FBLN5: variants seen among roughly 807,000 people sequenced by gnomAD.
The protein encoded by FBLN5 is fibulin 5, also known as fibulin-5.
A neutral mutation model predicts 61.6 loss-of-function variants in FBLN5; 24 were observed. The ratio of observed to expected loss-of-function variants is 0.39; its 90% CI spans 0.28 to 0.55. The LOEUF (loss-of-function observed/expected upper bound fraction) is 0.55, where lower values mean the gene tolerates loss of function less well. Among genes scored for constraint, FBLN5 ranks in the 20% least tolerant of loss-of-function variants. FBLN5 has a pLI of 0.65. For synonymous variants in FBLN5, 213 were observed against 219.8 expected, an observed-to-expected ratio of 0.97 and a Z score of 0.27; for missense variants, 470 against 594.1, an observed-to-expected ratio of 0.79 and a Z score of 2.17.
In FBLN5 at chr14:91,936,938, G is replaced by A; in HGVS notation, c.379+9C>T. The stretch of plus-strand genomic sequence containing the variant: ...ACAGCGGAGAGGAACAAAAGGCCGG[G>A]CTACTCACCCACACATTGGTTGCTT... On this transcript the variant is annotated intron_variant, in intron 4 of 10. Transcript: ENST00000342058. 6.2e-7 allele frequency: 1 copy of A among 1,614,182 alleles called. No individual in the cohort carries two copies. Among genetic ancestry groups the A allele is most frequent in the Non-Finnish European group, 8.5e-7 (1 of 1,180,032 alleles).
chr14:91,923,515 C>T (rs766908675), intron 4 of FBLN5, among the ~76,000 whole-genome samples: 4 of 152,230 alleles, frequency 2.6e-5, no homozygotes, highest in Non-Finnish European at 5.9e-5. Flanking sequence ...TTCTTGTCTC[C>T]ATGTCTCTGC....
intron 4 of FBLN5, among the ~76,000 whole-genome samples, chr14:91,912,742 C>T (rs188769101): frequency 5.5e-5 from 8 of 145,608 alleles, no homozygotes; most frequent in East Asian, 2.0e-4. Context: ...CCCGGGAAAT[C>T]GAGGCTGCCA....
intron 1 of FBLN5, among the ~76,000 whole-genome samples, chr14:91,946,090 A>G (rs1258171975): frequency 7.3e-6 from 1 of 137,256 alleles, no homozygotes. Context: ...CTTTCCCCCT[A>G]CTCCCCGCAG....
At chr14:91,877,445 C>A in intron 10 of FBLN5, 42 bp downstream of exon 10, 2 of 1,496,868 alleles carry the variant, frequency 1.3e-6, no homozygotes, top group Middle Eastern at 1.7e-4. Context: ...CAGCACAAGG[C>A]CACTGTTACA....
intron 10 of FBLN5, among the ~76,000 whole-genome samples, chr14:91,874,986 C>T (rs1238537065): frequency 6.6e-6 from 1 of 152,066 alleles, no homozygotes. Flanking sequence ...GCCACCACAC[C>T]TGGCTAATTT....
At chr14:91,900,794 CAT>C (rs1890418818) in intron 4 of FBLN5, among the ~76,000 whole-genome samples, 8 of 152,084 alleles carry the variant, frequency 5.3e-5, no homozygotes, top group Admixed American at 5.2e-4. Flanking sequence ...CTGCCTGGCA[CAT>C]AGCTCCCTTC....
rs150799153 is a variant in FBLN5 at position 91,921,479 on chromosome 14, A to C, written c.379+15468T>G. 4.2e-4 allele frequency among the ~76,000 whole-genome samples: 64 copies of C among 152,274 alleles called. No individual in the cohort carries two copies. The East Asian group carries it at 0.012, about 29-fold the overall frequency. The stretch of plus-strand genomic sequence containing the variant: ...TGGGAAAATCAACAAACAAATACAT[A>C]AAAAGCCACCAATCAGTGGCTCTCA... On this transcript the variant is annotated intron_variant, in intron 4 of 10. Transcript: ENST00000342058.
intron 4 of FBLN5, among the ~76,000 whole-genome samples, chr14:91,913,113 C>T (rs888681335): frequency 2.0e-5 from 3 of 151,556 alleles, no homozygotes; most frequent in Non-Finnish European, 4.4e-5. Flanking sequence ...TACCTCTATT[C>T]CCTTAGGGAA....
intron 6 of FBLN5, among the ~76,000 whole-genome samples, chr14:91,888,297 TC>T (rs1445521963): frequency 6.9e-6 from 1 of 145,814 alleles, no homozygotes; most frequent in East Asian, 2.0e-4. Flanking sequence ...AGACCCTGTC[TC>T]AAAAAAAAAT....
chr14:91,876,545 C>T (rs1236495923), intron 10 of FBLN5, among the ~76,000 whole-genome samples: 4 of 152,136 alleles, frequency 2.6e-5, no homozygotes, highest in African/African-American at 7.2e-5. Context: ...TAAATCTACT[C>T]GCAGGTGTTA....
chr14:91,916,876 C>T (rs926843993), intron 4 of FBLN5, among the ~76,000 whole-genome samples: 5 of 152,194 alleles, frequency 3.3e-5, no homozygotes, highest in African/African-American at 4.8e-5. Context: ...CTTTAAGGAA[C>T]TGCCTTTCTG....
chr14:91,885,123 A>T (rs1249095964), intron 7 of FBLN5, among the ~76,000 whole-genome samples: 2 of 152,200 alleles, frequency 1.3e-5, no homozygotes, highest in African/African-American at 2.4e-5. Flanking sequence ...AAAGGGGTTA[A>T]GTAGGAAGGT....
At chr14:91,933,558 G>A (rs918892986) in intron 4 of FBLN5, among the ~76,000 whole-genome samples, 8 of 152,034 alleles carry the variant, frequency 5.3e-5, no homozygotes, top group African/African-American at 1.4e-4. Flanking sequence ...ATGAGCCACC[G>A]TGCCTGGCCT....
intron 10 of FBLN5, chr14:91,873,887 G>A (rs965406370): frequency 1.3e-5 from 2 of 152,290 alleles, no homozygotes; most frequent in Non-Finnish European, 2.9e-5. Context: ...CCTGTCACTT[G>A]ATCCACGTGT....
intron 1 of FBLN5, chr14:91,946,876 G>A: frequency 1.4e-6 from 2 of 1,479,338 alleles, no homozygotes; most frequent in Middle Eastern, 1.8e-4. Context: ...TTGGCCTCCC[G>A]AAATTTAAAA....
intron 4 of FBLN5, among the ~76,000 whole-genome samples, chr14:91,909,903 G>T (rs556463358): frequency 2.0e-5 from 3 of 152,196 alleles, no homozygotes; most frequent in Non-Finnish European, 2.9e-5. Context: ...TGGTGAGGAC[G>T]TGGAGAAACT....
At chr14:91,906,397 G>A (rs1890688782) in intron 4 of FBLN5, among the ~76,000 whole-genome samples, 1 of 152,156 alleles carries the variant, frequency 6.6e-6, no homozygotes, top group Non-Finnish European at 1.5e-5. Context: ...GACCATAGAG[G>A]TGAGGGAGAG....
At chr14:91,913,165 GA>G (rs1354350920) in intron 4 of FBLN5, among the ~76,000 whole-genome samples, 1 of 152,160 alleles carries the variant, frequency 6.6e-6, no homozygotes, top group East Asian at 1.9e-4. Context: ...TGATAAAAAT[GA>G]GGTGGAGATG....
intron 4 of FBLN5, among the ~76,000 whole-genome samples, chr14:91,896,737 T>TG (rs1890242707): frequency 6.6e-6 from 1 of 152,066 alleles, no homozygotes; most frequent in Non-Finnish European, 1.5e-5. Context: ...GCTGGCAGAC[T>TG]GGGCTGAGGG....
Sources: gnomAD v4.1 joint callset for allele counts (sites outside exome capture counted in the v4.1 genomes callset) on GRCh38, gnomAD v4.1.1 for gene constraint, MANE v1.5 for transcripts, NCBI Gene and HGNC (gene_info 2026-07-23, HGNC 2026-07-21) for gene names.